Variants in DOCK8 observed in about 807,000 individuals in gnomAD.
DOCK8 encodes the protein dedicator of cytokinesis 8.
A neutral mutation model predicts 245.6 loss-of-function variants in DOCK8; 141 were observed. That is an observed-to-expected ratio of 0.57 (90% CI 0.50 to 0.66). The LOEUF is 0.66. Among genes scored for constraint, DOCK8 ranks in the 30% least tolerant of loss-of-function variants. The pLI is 0.00. For missense variants in DOCK8, 2,965 were observed against 2,603.4 expected, an observed-to-expected ratio of 1.14 and a Z score of -3.02; for synonymous variants, 1,168 against 970.2, an observed-to-expected ratio of 1.20 and a Z score of -3.79.
At chr9:403,865 T>TGTCTCTCA (rs1564020830) in intron 26 of DOCK8, among the ~76,000 whole-genome samples, 1 of 73,840 alleles carries the variant, frequency 1.4e-5, no homozygotes, top group Non-Finnish European at 2.2e-5. Context: ...TGTATCTCTC[T>TGTCTCTCA]CTCTCTCTCT....
chr9:403,900 A>C (rs371451997), intron 26 of DOCK8, among the ~76,000 whole-genome samples: 10,820 of 83,590 alleles, frequency 0.13, 779 homozygotes, highest in East Asian at 0.2. Flanking sequence ...CTCTATATAT[A>C]TATATATATA....
At chr9:276,459 CTA>C (rs34885697) in intron 2 of DOCK8, among the ~76,000 whole-genome samples, 28,038 of 152,058 alleles carry the variant, frequency 0.18, 2,740 homozygotes, top group Non-Finnish European at 0.22. Flanking sequence ...GGTCTGATGA[CTA>C]TGTGTATAAA....
At chr9:217,696 A>G (rs1197524113) in intron 1 of DOCK8, among the ~76,000 whole-genome samples, 1 of 152,192 alleles carries the variant, frequency 6.6e-6, no homozygotes, top group Admixed American at 6.5e-5. Flanking sequence ...ATTTAATTTC[A>G]CCATTTATTG....
At chr9:238,170 C>G (rs1219685518) in intron 1 of DOCK8, among the ~76,000 whole-genome samples, 1 of 152,172 alleles carries the variant, frequency 6.6e-6, no homozygotes, top group Non-Finnish European at 1.5e-5. Context: ...ATGCACAGAG[C>G]CATTGCTACT....
chr9:393,182 C>G (rs2054285351), intron 24 of DOCK8, among the ~76,000 whole-genome samples: 1 of 150,580 alleles, frequency 6.6e-6, no homozygotes, highest in South Asian at 2.1e-4. Context: ...ATAATTCATT[C>G]CCAATGCGGA....
In DOCK8 at chr9:403,964, A is replaced by G. The variant is rs868425239; in HGVS notation, c.3235-954A>G. ...TATATGTGTATATATATATATGTATATATATATATATGTGTATATATATAT... is the reference window on the plus strand; with the variant it reads ...TATATGTGTATATATATATATGTATGTATATATATATGTGTATATATATAT... On this transcript the variant is annotated intron_variant, in intron 26 of 47. Transcript: ENST00000432829. 1.4e-3 allele frequency among the ~76,000 whole-genome samples: 108 copies of G among 75,694 alleles called. 1 individual carries two copies. Among genetic ancestry groups the G allele is most frequent in the Non-Finnish European group, 2.0e-3 (88 of 44,214 alleles). 49.7% of individuals were successfully genotyped at this position (75,694 alleles called of 152,430 possible). A position where few individuals can be genotyped will look rare whatever the true frequency, so the allele number is the denominator to read the frequency against.
At chr9:372,373 C>T in intron 18 of DOCK8, 87 bp downstream of exon 18, 4 of 1,052,178 alleles carry the variant, frequency 3.8e-6, no homozygotes, top group South Asian at 3.8e-5. Flanking sequence ...TCCCATGTGG[C>T]CATGGATGTT....
At chr9:355,462 A>G (rs961575419) in intron 14 of DOCK8, among the ~76,000 whole-genome samples, 8 of 151,894 alleles carry the variant, frequency 5.3e-5, no homozygotes, top group East Asian at 3.9e-4. Context: ...TTGGCCTCCC[A>G]AAGTGCTGGG....
intron 26 of DOCK8, among the ~76,000 whole-genome samples, chr9:400,225 A>C (rs1364738125): frequency 1.1e-5 from 1 of 91,196 alleles, no homozygotes; most frequent in Non-Finnish European, 2.4e-5. Context: ...TATCACCACC[A>C]CCTCCACCAT....
chr9:449,634 T>C (rs185570611), intron 44 of DOCK8, 150 bp from the exon 45 acceptor site: 7 of 944,528 alleles, frequency 7.4e-6, no homozygotes, highest in African/African-American at 1.7e-5. Context: ...CATCTTTCTT[T>C]TTAACCTGTT....
At chr9:232,948 G>A (rs2047153452) in intron 1 of DOCK8, among the ~76,000 whole-genome samples, 1 of 152,056 alleles carries the variant, frequency 6.6e-6, no homozygotes, top group South Asian at 2.1e-4. Context: ...GCTTTTGAAT[G>A]TGTTTGCTCT....
rs2056106684 is a variant in DOCK8, at chr9:418,073, G to A, written c.3706G>A (p.Asp1236Asn). 1 of 1,614,088 alleles carries A rather than the reference G, an allele frequency of 6.2e-7. No individual in the cohort carries two copies. The highest frequency in any genetic ancestry group is 1.3e-5 in the African/African-American group (1 of 74,926). The part of the protein sequence containing the change: ...LPQLCDFTVA[D>N]TRRYRTSGSD... ...AAACGATGTTTTCATTGCAGTTGCA[G>A]ATACTCGCAGATACCGCACCAGTGG... The change falls in exon 30 of 48, where the codon GAT becomes AAT. Residue 1236 changes from aspartate to asparagine, a missense_variant. Around this residue, in one of 3 missense-constraint regions of DOCK8, gnomAD observed 2,825 missense variants for 2,453.5 expected, o/e 1.15. Coordinates refer to ENST00000432829, the MANE Select transcript of DOCK8 (RefSeq NM_203447.4).
chr9:341,787 A>G (rs2130935348), intron 14 of DOCK8, among the ~76,000 whole-genome samples: 1 of 152,336 alleles, frequency 6.6e-6, no homozygotes, highest in Non-Finnish European at 1.5e-5. Flanking sequence ...GGAGGTGAGC[A>G]TCGGGTGAGT....
At chr9:214,602 A>G, upstream of DOCK8, 1 of 1,613,936 alleles carries the variant, frequency 6.2e-7, no homozygotes, top group Non-Finnish European at 8.5e-7. Context: ...CTTCGGGCAG[A>G]TGGAGCTTCC....
intron 9 of DOCK8, among the ~76,000 whole-genome samples, chr9:332,158 A>T (rs1334281591): frequency 2.0e-5 from 3 of 152,184 alleles, no homozygotes; most frequent in Admixed American, 2.0e-4. Context: ...AAAGTTAACT[A>T]CTATTAACAC....
rs1356161534 is a variant in DOCK8, at chr9:382,644, T to C, written c.2737T>C (p.Ser913Pro). Reference sequence around the variant, plus strand: ...TAACCCAGACCTCGCGGGGACACACTCCGCAGCAGACGAGGAAGTGAAGAA... The same window carrying C: ...TAACCCAGACCTCGCGGGGACACACCCCGCAGCAGACGAGGAAGTGAAGAA... Reference protein sequence around the residue: ...SSNPDLAGTHSAADEEVKNIM... With the variant: ...SSNPDLAGTHPAADEEVKNIM... Residue 913 changes from serine to proline, a missense_variant, in exon 22 of 48, where the codon TCC becomes CCC. This residue lies in a region of DOCK8 where 2,825 missense variants were observed against 2,453.5 expected (regional missense o/e 1.15). Coordinates refer to ENST00000432829, the MANE Select transcript of DOCK8 (RefSeq NM_203447.4). 1 of 1,613,946 alleles carries C rather than the reference T, an allele frequency of 6.2e-7. No homozygotes were observed. Among genetic ancestry groups the C allele is most frequent in the African/African-American group, 1.3e-5 (1 of 74,860 alleles).
intron 33 of DOCK8, among the ~76,000 whole-genome samples, chr9:424,728 A>G (rs554927701): frequency 6.6e-5 from 10 of 152,324 alleles, no homozygotes; most frequent in African/African-American, 2.4e-4. Flanking sequence ...AAGCTTTTAA[A>G]AAACCAGATT....
At chr9:392,712 C>G (rs543013531) in intron 24 of DOCK8, among the ~76,000 whole-genome samples, 1 of 152,208 alleles carries the variant, frequency 6.6e-6, no homozygotes, top group South Asian at 2.1e-4. Flanking sequence ...CTGCAGCTCA[C>G]AAGTCTTGGG....
intron 7 of DOCK8, among the ~76,000 whole-genome samples, chr9:324,409 A>G (rs1329051196): frequency 1.3e-5 from 2 of 152,186 alleles, no homozygotes; most frequent in Admixed American, 1.3e-4. Flanking sequence ...TCTGCAGGTA[A>G]CATCCAAAGC....
Sources: allele counts gnomAD v4.1 joint callset (sites outside exome capture counted in the v4.1 genomes callset), GRCh38; gene constraint gnomAD v4.1.1; regional missense constraint gnomAD v4.1.1; transcripts MANE v1.5; gene names NCBI Gene and HGNC (gene_info 2026-07-23, HGNC 2026-07-21).